PAMR1: variants seen among roughly 807,000 people sequenced by gnomAD.
PAMR1 encodes the protein inactive serine protease PAMR1.
PAMR1 carries 88 observed loss-of-function variants against 81.8 expected under a neutral mutation model. That is an observed-to-expected ratio of 1.08 (90% CI 0.91 to 1.28). The LOEUF (loss-of-function observed/expected upper bound fraction) is 1.28. Ranked by LOEUF, PAMR1 falls within the 50% of genes most tolerant of loss-of-function variation. The pLI is 0.00. For synonymous variants in PAMR1, 336 were observed against 345.3 expected (o/e 0.97, Z 0.30); for missense variants, 935 against 919.7 (o/e 1.02, Z -0.21).
At chr11:35,522,243 G>A (rs1240253186) in intron 1 of PAMR1, among the ~76,000 whole-genome samples, 1 of 152,150 alleles carries the variant, frequency 6.6e-6, no homozygotes, top group Non-Finnish European at 1.5e-5. Flanking sequence ...TAAGTGCATG[G>A]TTCAGTGGCA....
chr11:35,457,168 G>C (rs1856552545), intron 6 of PAMR1, among the ~76,000 whole-genome samples: 1 of 152,156 alleles, frequency 6.6e-6, no homozygotes, highest in South Asian at 2.1e-4. Flanking sequence ...GGAAGAGATT[G>C]GTGTTTGAAT....
At chr11:35,513,920 C>T (rs1231518864) in intron 1 of PAMR1, among the ~76,000 whole-genome samples, 1 of 152,170 alleles carries the variant, frequency 6.6e-6, no homozygotes, top group Non-Finnish European at 1.5e-5. Flanking sequence ...GAATGCGTTA[C>T]CAAAAAGGCA....
intron 6 of PAMR1, among the ~76,000 whole-genome samples, chr11:35,459,745 G>C (rs1007392570): frequency 6.6e-6 from 1 of 151,764 alleles, no homozygotes. Context: ...AGAAGAAGCT[G>C]TAGCTGGAAA....
In PAMR1 at chr11:35,487,985, T is replaced by G. The variant is rs115873113; in HGVS notation, c.379+4060A>C. Among the ~76,000 whole-genome samples, 1,280 of 152,290 alleles carry G rather than the reference T, an allele frequency of 8.4e-3. 21 individuals carry two copies. The highest frequency in any genetic ancestry group is 0.029 in the African/African-American group (1,213 of 41,560). On this transcript the variant is annotated intron_variant, in intron 3 of 10. Coordinates refer to ENST00000619888, the MANE Select transcript of PAMR1 (RefSeq NM_001001991.3). The stretch of plus-strand genomic sequence containing the variant: ...AACAAGATATGCTACCTATAAATAA[T>G]TCTTTTCCTCCTGTCTCAGCCTAGG...
chr11:35,490,888 C>G (rs1292598442), intron 3 of PAMR1, among the ~76,000 whole-genome samples: 1 of 152,134 alleles, frequency 6.6e-6, no homozygotes, highest in African/African-American at 2.4e-5. Context: ...GTCATACTGG[C>G]AGTGACAGAC....
At chr11:35,460,961 C>T (rs1856641688) in intron 6 of PAMR1, among the ~76,000 whole-genome samples, 1 of 152,190 alleles carries the variant, frequency 6.6e-6, no homozygotes, top group African/African-American at 2.4e-5. Context: ...TCTCCACATC[C>T]TCTCCAGCAC....
intron 6 of PAMR1, among the ~76,000 whole-genome samples, chr11:35,463,801 G>A (rs986116872): frequency 6.6e-6 from 1 of 152,158 alleles, no homozygotes; most frequent in African/African-American, 2.4e-5. Flanking sequence ...CTGTCCCATC[G>A]GAGGCTCTCA....
intron 6 of PAMR1, among the ~76,000 whole-genome samples, chr11:35,448,910 G>A (rs548508439): frequency 6.6e-6 from 1 of 152,268 alleles, no homozygotes; most frequent in South Asian, 2.1e-4. Flanking sequence ...GCTGCCGTTT[G>A]CTGGAGGTCC....
intron 1 of PAMR1, among the ~76,000 whole-genome samples, chr11:35,502,009 T>C (rs1289051936): frequency 6.6e-6 from 1 of 152,180 alleles, no homozygotes; most frequent in African/African-American, 2.4e-5. Flanking sequence ...CATACAGTTT[T>C]CCATAATGGC....
chr11:35,479,786 T>A (rs1590357884), intron 3 of PAMR1, among the ~76,000 whole-genome samples: 1 of 152,188 alleles, frequency 6.6e-6, no homozygotes, highest in Non-Finnish European at 1.5e-5. Flanking sequence ...CTCTGCCACT[T>A]ACAAGTTGTA....
chr11:35,441,757 A>C (rs1856175699), intron 6 of PAMR1, 64 bp from the exon 7 acceptor site: 1 of 1,110,362 alleles, frequency 9.0e-7, no homozygotes, highest in South Asian at 1.5e-5. Context: ...TTAGAATAGA[A>C]TCTTTCATGT....
intron 1 of PAMR1, among the ~76,000 whole-genome samples, chr11:35,506,132 GAAGA>G (rs917553162): frequency 2.7e-5 from 4 of 149,222 alleles, no homozygotes; most frequent in Non-Finnish European, 4.5e-5. Flanking sequence ...AAAAAAACAG[GAAGA>G]AAGAAAACAG....
At chr11:35,525,486 G>A (rs764189590) in intron 1 of PAMR1, 27 bp downstream of exon 1, 1 of 1,600,556 alleles carries the variant, frequency 6.2e-7, no homozygotes, top group Admixed American at 1.7e-5. Flanking sequence ...TGTCCTCCTA[G>A]GGTGTCCCGG....
upstream of PAMR1, among the ~76,000 whole-genome samples, chr11:35,526,712 G>A (rs945998761): frequency 4.6e-5 from 7 of 152,184 alleles, no homozygotes; most frequent in South Asian, 2.1e-4. Context: ...AGGCTATAGA[G>A]CTTCTTAGGA....
chr11:35,472,457 C>T (rs1255121119), intron 4 of PAMR1, among the ~76,000 whole-genome samples: 2 of 152,152 alleles, frequency 1.3e-5, no homozygotes, highest in African/African-American at 4.8e-5. Flanking sequence ...CGTGCCGGCC[C>T]TCATGGAGAT....
intron 1 of PAMR1, among the ~76,000 whole-genome samples, chr11:35,509,243 G>A (rs1222088517): frequency 6.6e-6 from 1 of 152,166 alleles, no homozygotes; most frequent in Non-Finnish European, 1.5e-5. Context: ...GTAAGAAATA[G>A]ATACATGAAA....
chr11:35,466,452 G>A (rs1483613891), intron 6 of PAMR1, among the ~76,000 whole-genome samples: 1 of 152,186 alleles, frequency 6.6e-6, no homozygotes, highest in Admixed American at 6.5e-5. Flanking sequence ...AACTGGGCCA[G>A]TGCAGTGGCT....
chr11:35,488,775 G>A (rs1850561243), intron 3 of PAMR1, among the ~76,000 whole-genome samples: 1 of 132,866 alleles, frequency 7.5e-6, no homozygotes, highest in Non-Finnish European at 1.5e-5. Flanking sequence ...GTTTCACCAT[G>A]TTGCTCAGGC....
intron 6 of PAMR1, among the ~76,000 whole-genome samples, chr11:35,449,254 C>T (rs921688164): frequency 2.0e-5 from 3 of 151,090 alleles, no homozygotes; most frequent in African/African-American, 7.3e-5. Flanking sequence ...GTGTGTTGAA[C>T]AGGAGATCAT....
Sources: gnomAD v4.1 joint callset for allele counts (sites outside exome capture counted in the v4.1 genomes callset) on GRCh38, gnomAD v4.1.1 for gene constraint, MANE v1.5 for transcripts, NCBI Gene and HGNC (gene_info 2026-07-23, HGNC 2026-07-21) for gene names.